KLF12: variants seen among roughly 807,000 people sequenced by gnomAD.
KLF12 encodes the protein KLF transcription factor 12.
KLF12 carries 9 observed loss-of-function variants against 37.8 expected under a neutral mutation model. The observed-to-expected ratio is 0.24, with a 90% confidence interval of 0.14 to 0.42. KLF12 has a LOEUF of 0.42. Ranked by LOEUF, KLF12 falls within the 10% of genes least tolerant of loss-of-function variation. The pLI, the probability that KLF12 is intolerant of heterozygous loss-of-function variation, is 1.00. For missense variants in KLF12, 411 were observed against 516.0 expected, an observed-to-expected ratio of 0.80 and a Z score of 1.97; for synonymous variants, 208 against 202.1, an observed-to-expected ratio of 1.03 and a Z score of -0.25.
intron 1 of KLF12, among the ~76,000 whole-genome samples, chr13:74,082,411 A>T (rs1283136931): frequency 6.6e-6 from 1 of 152,202 alleles, no homozygotes; most frequent in Non-Finnish European, 1.5e-5. Context: ...TATACTACTT[A>T]TACTATAGGT....
rs539704209 is a variant in KLF12, at chr13:73,772,620, T to C, written c.807-7620A>G. ...TGGTGTAGACAACCAGAGGGAAAGG[T>C]TTAGCGAGCCTGGAGGGGCAGGAGA... On this transcript the variant is annotated intron_variant, in intron 5 of 7. Transcript: ENST00000377669. Among the ~76,000 whole-genome samples the C allele has an allele frequency of 9.2e-4, 140 of 152,166 alleles. 3 individuals carry two copies. In the South Asian group the frequency reaches 0.027, roughly 30 times the overall value.
intron 3 of KLF12, among the ~76,000 whole-genome samples, chr13:73,900,493 A>C (rs1305413019): frequency 6.6e-6 from 1 of 152,180 alleles, no homozygotes; most frequent in African/African-American, 2.4e-5. Context: ...AATTTTAAAC[A>C]TCAGTGAAAT....
In KLF12 at chr13:74,097,775, G is replaced by T. The variant is rs556118009; in HGVS notation, c.-32+35964C>A. Among the ~76,000 whole-genome samples the T allele has an allele frequency of 6.6e-5, 10 of 151,582 alleles. No individual in the cohort carries two copies. The South Asian group carries it at 2.1e-3, about 32-fold the overall frequency. On this transcript the variant is annotated intron_variant, in intron 1 of 7. Transcript: ENST00000377669. The stretch of plus-strand genomic sequence containing the variant: ...TTTTATTAGTTAAATGTCTGCAACG[G>T]CATAGCAACTTTTTCCTAAAGCAGC...
At chr13:73,837,364 T>C (rs1425052210) in intron 4 of KLF12, among the ~76,000 whole-genome samples, 1 of 152,176 alleles carries the variant, frequency 6.6e-6, no homozygotes, top group Non-Finnish European at 1.5e-5. Context: ...AATCGACAGA[T>C]TGTAGGCATT....
intron 1 of KLF12, among the ~76,000 whole-genome samples, chr13:74,000,828 T>C (rs912933014): frequency 3.3e-5 from 5 of 152,194 alleles, no homozygotes; most frequent in South Asian, 2.1e-4. Flanking sequence ...AAAGTAACCA[T>C]AGCAAATGAA....
chr13:74,266,777 G>C, the KLF12 span, among the ~76,000 whole-genome samples: 9 of 152,158 alleles, frequency 5.9e-5, no homozygotes, highest in Admixed American at 5.9e-4. Flanking sequence ...ATTCAATGCT[G>C]GTCCTAAAGA....
At chr13:74,146,164 T>G in the KLF12 span, among the ~76,000 whole-genome samples, 1 of 152,136 alleles carries the variant, frequency 6.6e-6, no homozygotes, top group Non-Finnish European at 1.5e-5. Context: ...AAGGTTTAAA[T>G]GGTCAGAGAC....
At chr13:73,897,725 C>A (rs1410549151) in intron 3 of KLF12, among the ~76,000 whole-genome samples, 3 of 152,214 alleles carry the variant, frequency 2.0e-5, no homozygotes, top group Non-Finnish European at 2.9e-5. Flanking sequence ...AACTGATCTT[C>A]CAGGATTCCT....
intron 2 of KLF12, among the ~76,000 whole-genome samples, chr13:73,990,871 A>T (rs1891950610): frequency 6.6e-6 from 1 of 152,130 alleles, no homozygotes; most frequent in Non-Finnish European, 1.5e-5. Flanking sequence ...TTTTTAAAAA[A>T]CCGTTTCTAA....
intron 4 of KLF12, among the ~76,000 whole-genome samples, chr13:73,827,676 C>A (rs1234375722): frequency 2.0e-5 from 3 of 152,318 alleles, no homozygotes; most frequent in South Asian, 4.1e-4. Flanking sequence ...GATTCTCCTG[C>A]CTCAGCCTCC....
At chr13:74,151,683 T>G in the KLF12 span, among the ~76,000 whole-genome samples, 1 of 151,876 alleles carries the variant, frequency 6.6e-6, no homozygotes. Flanking sequence ...AATAAGAAGA[T>G]TCTCCAAACC....
intron 2 of KLF12, among the ~76,000 whole-genome samples, chr13:73,970,966 T>A (rs139307492): frequency 1.3e-5 from 2 of 151,712 alleles, no homozygotes; most frequent in East Asian, 3.9e-4. Context: ...GAAAAAAAAA[T>A]GTTAACATTG....
chr13:74,269,245 CAAG>C, the KLF12 span, among the ~76,000 whole-genome samples: 1 of 152,196 alleles, frequency 6.6e-6, no homozygotes, highest in Non-Finnish European at 1.5e-5. Context: ...TTTCCATAAA[CAAG>C]AAGTGTAGTC....
chr13:73,787,422 C>G (rs774898296), intron 5 of KLF12, among the ~76,000 whole-genome samples: 32 of 152,090 alleles, frequency 2.1e-4, no homozygotes, highest in Non-Finnish European at 3.4e-4. Context: ...GTCCCTTTCA[C>G]AAAACAGGTC....
Position 73,849,375 on chromosome 13 carries a change from T to TAAAAAAAAAAAAA in KLF12, c.124-3015_124-3003dup, listed in dbSNP as rs574332239. ...GCTTGGGCAACAGAGGGAGACTCCA[T>TAAAAAAAAAAAAA]AAAAAAAAAAAAAAAAAAAAAAAAA... On this transcript the variant is annotated intron_variant, in intron 3 of 7. Transcript: ENST00000377669. 7.1e-4 allele frequency among the ~76,000 whole-genome samples: 70 copies of TAAAAAAAAAAAAA among 98,956 alleles called. 4 individuals are homozygous for TAAAAAAAAAAAAA. Among genetic ancestry groups the TAAAAAAAAAAAAA allele is most frequent in the African/African-American group, 3.3e-3 (68 of 20,780 alleles). The allele number at this position is 98,956 out of a possible 152,430, so 64.9% of individuals were successfully genotyped here.
At chr13:73,999,516 G>C (rs188184922) in intron 1 of KLF12, among the ~76,000 whole-genome samples, 1 of 151,800 alleles carries the variant, frequency 6.6e-6, no homozygotes, top group South Asian at 2.1e-4. Context: ...GGCAGATCAC[G>C]AGGTCAGGAG....
At chr13:73,821,436 A>C (rs1883521190) in intron 4 of KLF12, among the ~76,000 whole-genome samples, 1 of 152,200 alleles carries the variant, frequency 6.6e-6, no homozygotes, top group Non-Finnish European at 1.5e-5. Context: ...TCTGAGTTTC[A>C]GCTGAGAGAT....
intron 6 of KLF12, among the ~76,000 whole-genome samples, chr13:73,754,008 G>C (rs1003868066): frequency 1.8e-4 from 28 of 152,262 alleles, no homozygotes; most frequent in African/African-American, 6.7e-4. Context: ...CAGGAGAGGA[G>C]AGAGAGGCAG....
intron 6 of KLF12, among the ~76,000 whole-genome samples, chr13:73,742,320 C>T (rs908102085): frequency 3.9e-5 from 6 of 152,042 alleles, no homozygotes; most frequent in African/African-American, 1.2e-4. Context: ...AAATTACTTC[C>T]TAGTTTTACT....
Sources: allele counts gnomAD v4.1 joint callset (sites outside exome capture counted in the v4.1 genomes callset), GRCh38; gene constraint gnomAD v4.1.1; transcripts MANE v1.5; gene names NCBI Gene and HGNC (gene_info 2026-07-23, HGNC 2026-07-21).